Variants in TP63 observed in about 807,000 individuals in gnomAD.
The protein encoded by TP63 is tumor protein 63.
Under a neutral mutation model 82.8 loss-of-function variants are expected in TP63, and 17 were observed. The observed-to-expected ratio is 0.21, with a 90% CI of 0.14 to 0.31. The LOEUF (loss-of-function observed/expected upper bound fraction) is 0.31. Ranked by LOEUF, TP63 falls within the 10% of genes least tolerant of loss-of-function variation. The pLI is 1.00. For missense variants in TP63, 648 were observed against 895.3 expected, an observed-to-expected ratio of 0.72 and a Z score of 3.52; for synonymous variants, 330 against 321.7, an observed-to-expected ratio of 1.03 and a Z score of -0.28.
At chr3:189,790,139 A>G (rs1487152229) in intron 3 of TP63, among the ~76,000 whole-genome samples, 2 of 152,074 alleles carry the variant, frequency 1.3e-5, no homozygotes, top group African/African-American at 2.4e-5. Flanking sequence ...ACAGACTCAG[A>G]GAGCAGATCA....
At chr3:189,719,151 T>A (rs1719185338) in intron 1 of TP63, among the ~76,000 whole-genome samples, 1 of 152,048 alleles carries the variant, frequency 6.6e-6, no homozygotes, top group Admixed American at 6.5e-5. Context: ...AGGAAAAACC[T>A]GCCCACAGAA....
the TP63 span, among the ~76,000 whole-genome samples, chr3:189,619,682 G>A: frequency 3.9e-5 from 6 of 152,076 alleles, no homozygotes; most frequent in Non-Finnish European, 7.3e-5. Context: ...ATCCTTGTAG[G>A]TGCTGTTAAG....
At chr3:189,673,181 A>G (rs959756675) in intron 1 of TP63, among the ~76,000 whole-genome samples, 1 of 152,132 alleles carries the variant, frequency 6.6e-6, no homozygotes, top group Non-Finnish European at 1.5e-5. Flanking sequence ...TAGATGCAGC[A>G]AATTTTTTCA....
At chr3:189,807,751 C>T (rs1361189676) in intron 3 of TP63, among the ~76,000 whole-genome samples, 1 of 152,186 alleles carries the variant, frequency 6.6e-6, no homozygotes, top group East Asian at 1.9e-4. Context: ...ACTCTTGGTA[C>T]TCTGGGACAG....
chr3:189,669,392 C>T (rs1322929982), intron 1 of TP63, among the ~76,000 whole-genome samples: 1 of 150,974 alleles, frequency 6.6e-6, no homozygotes, highest in East Asian at 1.9e-4. Context: ...TAATTTTCTT[C>T]AAGCTAAAAG....
chr3:189,762,973 A>G (rs1340997382), intron 3 of TP63, among the ~76,000 whole-genome samples: 1 of 152,218 alleles, frequency 6.6e-6, no homozygotes, highest in African/African-American at 2.4e-5. Context: ...GAGTTCTGTT[A>G]TTAACAAGGA....
chr3:189,856,548 T>C (rs896440010), intron 4 of TP63, among the ~76,000 whole-genome samples: 2 of 152,002 alleles, frequency 1.3e-5, no homozygotes, highest in Admixed American at 6.5e-5. Flanking sequence ...TTTAAAGGTA[T>C]GCAGATTTGA....
intron 10 of TP63, among the ~76,000 whole-genome samples, chr3:189,883,212 G>T (rs373396078): frequency 1.3e-5 from 2 of 152,048 alleles, no homozygotes; most frequent in African/African-American, 4.8e-5. Flanking sequence ...GTTCTTCAAG[G>T]CTTTCAAATT....
chr3:189,762,789 A>G (rs1186639075), intron 3 of TP63, among the ~76,000 whole-genome samples: 1 of 152,196 alleles, frequency 6.6e-6, no homozygotes, highest in Non-Finnish European at 1.5e-5. Context: ...TGTTTAAAAG[A>G]GCTGAGTCTA....
intron 1 of TP63, among the ~76,000 whole-genome samples, chr3:189,661,361 T>C (rs1713865397): frequency 6.6e-6 from 1 of 152,116 alleles, no homozygotes; most frequent in African/African-American, 2.4e-5. Context: ...TCTGTTTATG[T>C]GTTAAATCAC....
intron 11 of TP63, among the ~76,000 whole-genome samples, chr3:189,887,504 T>A (rs1395109289): frequency 6.6e-6 from 1 of 152,128 alleles, no homozygotes; most frequent in African/African-American, 2.4e-5. Context: ...CTGTAAGAAT[T>A]GGGCCTCCAA....
chr3:189,874,918 C>T (rs1289989147), intron 10 of TP63, among the ~76,000 whole-genome samples: 18 of 151,630 alleles, frequency 1.2e-4, no homozygotes, highest in Non-Finnish European at 2.6e-4. Flanking sequence ...CCAAAATGAC[C>T]TCCAAAACAT....
intron 1 of TP63, among the ~76,000 whole-genome samples, chr3:189,722,369 T>C (rs1382128518): frequency 6.6e-6 from 1 of 152,224 alleles, no homozygotes; most frequent in Non-Finnish European, 1.5e-5. Context: ...GTCTTTAGTG[T>C]CAGCAATCCT....
At chr3:189,750,922 A>G (rs1721769984) in intron 3 of TP63, among the ~76,000 whole-genome samples, 1 of 152,146 alleles carries the variant, frequency 6.6e-6, no homozygotes, top group Admixed American at 6.5e-5. Context: ...GCACCCATCA[A>G]CTAATCATTT....
chr3:189,627,054 G>T (rs1729334482), upstream of TP63, among the ~76,000 whole-genome samples: 1 of 152,146 alleles, frequency 6.6e-6, no homozygotes, highest in Admixed American at 6.6e-5. Context: ...CTCAAAGAGA[G>T]TAGGCTACCT....
At chr3:189,722,533 A>G (rs181502728) in intron 1 of TP63, among the ~76,000 whole-genome samples, 15 of 152,334 alleles carry the variant, frequency 9.8e-5, no homozygotes, top group African/African-American at 3.6e-4. Flanking sequence ...GACTTGCCCA[A>G]GATCCCAGCC....
intron 11 of TP63, 26 bp from the exon 12 acceptor site, chr3:189,889,314 T>C: frequency 1.2e-6 from 2 of 1,614,104 alleles, no homozygotes; most frequent in Non-Finnish European, 1.7e-6. Context: ...GCAGTAACCC[T>C]TTTTGTTCCT....
upstream of TP63, among the ~76,000 whole-genome samples, chr3:189,629,958 A>G (rs1017016254): frequency 1.3e-5 from 2 of 152,166 alleles, no homozygotes; most frequent in African/African-American, 4.8e-5. Flanking sequence ...TTTGTGGAGC[A>G]AGCTGTTTGA....
chr3:189,880,476 G>A (rs1372953895), intron 10 of TP63: 11 of 1,038,652 alleles, frequency 1.1e-5, no homozygotes, highest in Non-Finnish European at 1.3e-5. Context: ...TGGGAGGGAG[G>A]GGTCAGGTGG....
Sources: allele counts gnomAD v4.1 joint callset (sites outside exome capture counted in the v4.1 genomes callset), GRCh38; gene constraint gnomAD v4.1.1; transcripts MANE v1.5; gene names NCBI Gene and HGNC (gene_info 2026-07-23, HGNC 2026-07-21).